ZDHHC17: variants seen among roughly 807,000 people sequenced by gnomAD.
The protein encoded by ZDHHC17 is zDHHC palmitoyltransferase 17, also known as palmitoyltransferase ZDHHC17.
In ZDHHC17, 40 loss-of-function variants were observed where a neutral mutation model predicts 90.3. The ratio of observed to expected loss-of-function variants is 0.44; its 90% CI spans 0.34 to 0.58. The LOEUF (loss-of-function observed/expected upper bound fraction) is 0.58, where lower values mean the gene tolerates loss of function less well. Ranked by LOEUF, ZDHHC17 falls within the 20% of genes least tolerant of loss-of-function variation. The probability of loss-of-function intolerance (pLI) is 0.01; values close to 1 mark genes in which losing one functional copy is unlikely to be tolerated. For missense variants in ZDHHC17, 614 were observed against 780.8 expected (o/e 0.79, Z 2.55); for synonymous variants, 235 against 252.4 (o/e 0.93, Z 0.65).
At chr12:76,798,085 A>G (rs1291283489) in intron 2 of ZDHHC17, among the ~76,000 whole-genome samples, 1 of 152,198 alleles carries the variant, frequency 6.6e-6, no homozygotes, top group East Asian at 1.9e-4. Flanking sequence ...TATTAAGGTT[A>G]CTTATGGTGA....
intron 1 of ZDHHC17, among the ~76,000 whole-genome samples, chr12:76,782,799 A>G (rs1952642038): frequency 6.6e-6 from 1 of 150,834 alleles, no homozygotes; most frequent in African/African-American, 2.4e-5. Context: ...ACTGGGCTCA[A>G]TTCCAAATAC....
At chr12:76,834,516 A>G (rs1953341304) in intron 10 of ZDHHC17, among the ~76,000 whole-genome samples, 1 of 152,144 alleles carries the variant, frequency 6.6e-6, no homozygotes, top group Non-Finnish European at 1.5e-5. Context: ...TCTGTAGGTT[A>G]CTTGTTAGAC....
intron 1 of ZDHHC17, chr12:76,764,700 G>C (rs917467218): frequency 8.1e-6 from 4 of 494,554 alleles, no homozygotes; most frequent in African/African-American, 3.9e-5. Flanking sequence ...CCAGGTGGAA[G>C]CGCGTCTGGT....
chr12:76,788,165 C>T (rs1952713997), intron 1 of ZDHHC17, among the ~76,000 whole-genome samples: 1 of 152,216 alleles, frequency 6.6e-6, no homozygotes, highest in Non-Finnish European at 1.5e-5. Context: ...TATCTCTACT[C>T]TCTAGAAGAT....
At chr12:76,778,735 A>T (rs1230160935) in intron 1 of ZDHHC17, among the ~76,000 whole-genome samples, 1 of 152,216 alleles carries the variant, frequency 6.6e-6, no homozygotes, top group Non-Finnish European at 1.5e-5. Context: ...TTTCATGTGC[A>T]TATTTGCCAT....
chr12:76,824,221 ACTT>A (rs914264018), intron 8 of ZDHHC17, among the ~76,000 whole-genome samples: 3 of 152,174 alleles, frequency 2.0e-5, no homozygotes, highest in African/African-American at 7.2e-5. Context: ...TTTAAAAAGA[ACTT>A]CATTAAAAGT....
intron 1 of ZDHHC17, among the ~76,000 whole-genome samples, chr12:76,772,613 C>T (rs1279704260): frequency 8.3e-6 from 1 of 120,902 alleles, no homozygotes; most frequent in African/African-American, 3.0e-5. Flanking sequence ...CAGCTCACTA[C>T]AACCTCTGCC....
chr12:76,764,184 G>T lies in ZDHHC17; in HGVS notation c.-53G>T. 8.0e-7 allele frequency: 1 copy of T among 1,250,424 alleles called. No individual in the cohort carries two copies. Among genetic ancestry groups the T allele is most frequent in the Non-Finnish European group, 1.1e-6 (1 of 928,482 alleles). The allele number at this position is 1,250,424 out of a possible 1,614,324, so 77.5% of individuals were successfully genotyped here. On this transcript the variant is annotated 5_prime_UTR_variant, in exon 1 of 17. Coordinates refer to ENST00000426126, the MANE Select transcript of ZDHHC17 (RefSeq NM_015336.4). ...CCGGCGGGGCTCGCGCTCGCCCCGC[G>T]CTCGCCCTCCGCCTCGCCCGAGCCC...
chr12:76,801,010 C>T (rs1165117354), intron 2 of ZDHHC17, among the ~76,000 whole-genome samples: 1 of 151,378 alleles, frequency 6.6e-6, no homozygotes, highest in African/African-American at 2.4e-5. Flanking sequence ...GCCTCAGCCT[C>T]CTAAGTAGCT....
chr12:76,817,980 C>T (rs545048343), intron 7 of ZDHHC17, among the ~76,000 whole-genome samples: 8 of 152,070 alleles, frequency 5.3e-5, no homozygotes, highest in African/African-American at 1.9e-4. Flanking sequence ...AATTATTGTA[C>T]CTTAGAGCTT....
chr12:76,832,969 T>G (rs182560078), intron 10 of ZDHHC17, among the ~76,000 whole-genome samples: 7 of 152,198 alleles, frequency 4.6e-5, no homozygotes, highest in African/African-American at 1.7e-4. Context: ...TTGATTTTGG[T>G]GTTACAAATA....
intron 9 of ZDHHC17, 42 bp downstream of exon 9, chr12:76,827,092 A>C: frequency 6.6e-7 from 1 of 1,510,034 alleles, no homozygotes; most frequent in Non-Finnish European, 8.8e-7. Flanking sequence ...CTGTACATGA[A>C]ATAATATAAT....
chr12:76,795,475 ATTC>A (rs1952808603), intron 1 of ZDHHC17, among the ~76,000 whole-genome samples: 1 of 152,100 alleles, frequency 6.6e-6, no homozygotes, highest in Non-Finnish European at 1.5e-5. Flanking sequence ...TCAAGTTTTT[ATTC>A]TTTTTCAGGT....
At chr12:76,813,351 G>C (rs767650648) in intron 5 of ZDHHC17, 3 of 451,966 alleles carry the variant, frequency 6.6e-6, no homozygotes, top group South Asian at 4.7e-5. Flanking sequence ...TGGAAATGTT[G>C]AGTGAGGTTG....
rs181877406 is a variant in ZDHHC17 at position 76,850,470 on chromosome 12, G to A, written c.1761-377G>A. Reference sequence around the variant, plus strand: ...ATGTTGGTGCATGTCTGTAGTCCTAGCTACTTGGGAGGCTGAGGTGAGAGG... The same window carrying A: ...ATGTTGGTGCATGTCTGTAGTCCTAACTACTTGGGAGGCTGAGGTGAGAGG... On this transcript the variant is annotated intron_variant, in intron 16 of 16. Coordinates refer to ENST00000426126, the MANE Select transcript of ZDHHC17 (RefSeq NM_015336.4). Among the ~76,000 whole-genome samples the A allele has an allele frequency of 5.3e-5, 8 of 152,220 alleles. No individual in the cohort carries two copies. The East Asian group carries it at 1.5e-3, about 29-fold the overall frequency.
At chr12:76,801,596 G>C (rs985007249) in intron 2 of ZDHHC17, among the ~76,000 whole-genome samples, 1 of 152,076 alleles carries the variant, frequency 6.6e-6, no homozygotes, top group Non-Finnish European at 1.5e-5. Flanking sequence ...GGAGCTTGCA[G>C]TGAGCCGAGA....
At chr12:76,841,559 A>C (rs573972435) in intron 10 of ZDHHC17, among the ~76,000 whole-genome samples, 26 of 152,292 alleles carry the variant, frequency 1.7e-4, no homozygotes, top group African/African-American at 5.8e-4. Context: ...TGTGTTCAAA[A>C]AAAGGCAAAA....
At chr12:76,768,856 T>C (rs898318145) in intron 1 of ZDHHC17, among the ~76,000 whole-genome samples, 1 of 152,208 alleles carries the variant, frequency 6.6e-6, no homozygotes, top group Non-Finnish European at 1.5e-5. Flanking sequence ...GGCTTTCATC[T>C]CTTTCTTTCT....
chr12:76,797,137 G>A (rs543847313), intron 1 of ZDHHC17, among the ~76,000 whole-genome samples: 1 of 152,142 alleles, frequency 6.6e-6, no homozygotes, highest in South Asian at 2.1e-4. Flanking sequence ...GGTGGCACGT[G>A]CCTATAGTCT....
Sources: allele counts gnomAD v4.1 joint callset (sites outside exome capture counted in the v4.1 genomes callset), GRCh38; gene constraint gnomAD v4.1.1; transcripts MANE v1.5; gene names NCBI Gene and HGNC (gene_info 2026-07-23, HGNC 2026-07-21).